RNU5B-1: variants seen among roughly 807,000 people sequenced by gnomAD.
The protein encoded by RNU5B-1 is RNA, U5B small nuclear pseudogene 1.
exon 1 of RNU5B-1, chr15:65,304,781 T>A (rs1248177071): frequency 1.3e-5 from 2 of 152,094 alleles, no homozygotes; most frequent in South Asian, 2.1e-4. Flanking sequence ...GAGGCCTTGT[T>A]CCGACAAGGC....
At chr15:65,304,685 GT>G (rs2090797690) in exon 1 of RNU5B-1, 1 of 152,122 alleles carries the variant, frequency 6.6e-6, no homozygotes, top group Non-Finnish European at 1.5e-5. Context: ...GCATACTCTG[GT>G]TTCTCTTCAG....
exon 1 of RNU5B-1, chr15:65,304,740 G>A (rs1045254220): frequency 5.3e-5 from 8 of 152,152 alleles, no homozygotes; most frequent in Non-Finnish European, 7.3e-5. Context: ...TCCGTGGAGA[G>A]GAACAACTCT....
chr15:65,304,760 G>T (rs531341946), exon 1 of RNU5B-1: 6 of 152,158 alleles, frequency 3.9e-5, no homozygotes, highest in African/African-American at 1.4e-4. Context: ...TGAGTCTTAA[G>T]CTAATTTTTT....
exon 1 of RNU5B-1, chr15:65,304,739 A>G (rs780922196): frequency 6.6e-5 from 10 of 152,152 alleles, no homozygotes; most frequent in Admixed American, 1.3e-4. Flanking sequence ...TTCCGTGGAG[A>G]GGAACAACTC....
At chr15:65,304,785 A>T (rs186315738) in exon 1 of RNU5B-1, 3 of 151,708 alleles carry the variant, frequency 2.0e-5, no homozygotes, top group Admixed American at 6.6e-5. Flanking sequence ...CCTTGTTCCG[A>T]CAAGGCTATA....
chr15:65,304,729 T>C (rs1567053110), exon 1 of RNU5B-1: 1 of 152,208 alleles, frequency 6.6e-6, no homozygotes, highest in African/African-American at 2.4e-5. Context: ...TACTAAAGAT[T>C]TCCGTGGAGA....
exon 1 of RNU5B-1, chr15:65,304,703 T>A (rs529056829): frequency 1.3e-5 from 2 of 152,222 alleles, no homozygotes; most frequent in African/African-American, 2.4e-5. Flanking sequence ...TCAGATCGTA[T>A]AAATCTTTCG....
At chr15:65,304,771 G>C (rs760689727) in exon 1 of RNU5B-1, 1 of 152,126 alleles carries the variant, frequency 6.6e-6, no homozygotes, top group African/African-American at 2.4e-5. Context: ...CTAATTTTTT[G>C]AGGCCTTGTT....
chr15:65,304,694 C>G (rs1305884876), exon 1 of RNU5B-1: 3 of 152,170 alleles, frequency 2.0e-5, no homozygotes, highest in African/African-American at 7.2e-5. Context: ...GGTTTCTCTT[C>G]AGATCGTATA....
exon 1 of RNU5B-1, chr15:65,304,751 G>C (rs1018122407): frequency 4.6e-5 from 7 of 152,140 alleles, no homozygotes; most frequent in African/African-American, 1.2e-4. Context: ...GAACAACTCT[G>C]AGTCTTAAGC....
chr15:65,304,748 T>G (rs1292146399), exon 1 of RNU5B-1: 1 of 152,208 alleles, frequency 6.6e-6, no homozygotes, highest in Non-Finnish European at 1.5e-5. Context: ...GAGGAACAAC[T>G]CTGAGTCTTA....
At chr15:65,304,777 T>C (rs963911612) in exon 1 of RNU5B-1, 2 of 152,130 alleles carry the variant, frequency 1.3e-5, no homozygotes, top group Non-Finnish European at 2.9e-5. Flanking sequence ...TTTTGAGGCC[T>C]TGTTCCGACA....
chr15:65,304,690 T>C (rs1306503321), exon 1 of RNU5B-1: 3 of 152,252 alleles, frequency 2.0e-5, no homozygotes, highest in Non-Finnish European at 4.4e-5. Flanking sequence ...CTCTGGTTTC[T>C]CTTCAGATCG....
exon 1 of RNU5B-1, chr15:65,304,681 T>G (rs747746128): frequency 1.3e-5 from 2 of 152,218 alleles, no homozygotes; most frequent in Non-Finnish European, 2.9e-5. Flanking sequence ...ACAAGCATAC[T>G]CTGGTTTCTC....
chr15:65,304,721 C>T (rs746512181), exon 1 of RNU5B-1: 8 of 152,140 alleles, frequency 5.3e-5, no homozygotes, highest in African/African-American at 1.7e-4. Flanking sequence ...TCGCCTTTTA[C>T]TAAAGATTTC....
exon 1 of RNU5B-1, chr15:65,304,781 T>G (rs1248177071): frequency 6.6e-6 from 1 of 151,976 alleles, no homozygotes; most frequent in Non-Finnish European, 1.5e-5. Flanking sequence ...GAGGCCTTGT[T>G]CCGACAAGGC....
exon 1 of RNU5B-1, chr15:65,304,761 C>T (rs375964019): frequency 7.9e-5 from 12 of 152,272 alleles, no homozygotes; most frequent in South Asian, 4.1e-4. Flanking sequence ...GAGTCTTAAG[C>T]TAATTTTTTG....
exon 1 of RNU5B-1, chr15:65,304,788 A>G (rs549185340): frequency 4.6e-5 from 7 of 151,286 alleles, no homozygotes; most frequent in Admixed American, 6.7e-5. Context: ...TGTTCCGACA[A>G]GGCTATATAA....
exon 1 of RNU5B-1, chr15:65,304,764 A>T (rs1045755017): frequency 1.3e-5 from 2 of 152,178 alleles, no homozygotes; most frequent in African/African-American, 2.4e-5. Flanking sequence ...TCTTAAGCTA[A>T]TTTTTTGAGG....
Sources: gnomAD v4.1 joint callset for allele counts on GRCh38, gnomAD v4.1.1 for gene constraint, MANE v1.5 for transcripts, NCBI Gene and HGNC (gene_info 2026-07-23, HGNC 2026-07-21) for gene names.